The following CEP43 variants were observed in gnomAD, a reference collection of about 807,000 sequenced individuals.
The protein encoded by CEP43 is FGFR1 oncogene partner.
A neutral mutation model predicts 52.6 loss-of-function variants in CEP43; 36 were observed. The observed-to-expected ratio is 0.68, with a 90% CI of 0.52 to 0.90. The LOEUF (loss-of-function observed/expected upper bound fraction) is 0.90. CEP43 is among the 40% of genes least tolerant of loss of function. CEP43 has a pLI of 0.00. For synonymous variants in CEP43, 192 were observed against 172.4 expected, an observed-to-expected ratio of 1.11 and a Z score of -0.89; for missense variants, 506 against 472.8, an observed-to-expected ratio of 1.07 and a Z score of -0.65.
In CEP43 at chr6:167,048,401, A is replaced by T. The variant is rs1273381900; in HGVS notation, c.*8423A>T. On this transcript the variant is annotated 3_prime_UTR_variant, in exon 13 of 13. Transcript: ENST00000366847. ...AAAGATTAGCTAGGCATGATGGCACATGCCTGTGGTCCCAGCTACTCGGGA... is the reference window on the plus strand; with the variant it reads ...AAAGATTAGCTAGGCATGATGGCACTTGCCTGTGGTCCCAGCTACTCGGGA... 1 of 152,190 alleles carries T rather than the reference A, an allele frequency of 6.6e-6. No homozygotes were observed. Among genetic ancestry groups the T allele is most frequent in the African/African-American group, 2.4e-5 (1 of 41,438 alleles). The allele number at this position is 152,190 out of a possible 1,614,324, so 9.4% of individuals were successfully genotyped here.
intron 5 of CEP43, among the ~76,000 whole-genome samples, chr6:167,007,520 T>C (rs779077355): frequency 3.3e-5 from 5 of 152,236 alleles, no homozygotes; most frequent in Non-Finnish European, 5.9e-5. Flanking sequence ...TGCATATGTA[T>C]ATAAACAAAT....
intron 6 of CEP43, among the ~76,000 whole-genome samples, 159 bp downstream of exon 6, chr6:167,011,052 T>TA (rs1167050917): frequency 4.0e-5 from 6 of 151,370 alleles, no homozygotes; most frequent in African/African-American, 9.7e-5. Flanking sequence ...AAGTATACAT[T>TA]AAAAAAAAAG....
rs1001704340 is a variant in CEP43, at chr6:167,046,802, G to T, written c.*6824G>T. 1 of 152,264 alleles carries T rather than the reference G, an allele frequency of 6.6e-6. No homozygotes were observed. Among genetic ancestry groups the T allele is most frequent in the Non-Finnish European group, 1.5e-5 (1 of 68,080 alleles). 9.4% of individuals were successfully genotyped at this position (152,264 alleles called of 1,614,324 possible). On this transcript the variant is annotated 3_prime_UTR_variant, in exon 13 of 13. Transcript: ENST00000366847. ...ATTCTGCCTCAGGGTAAGAGGCCCG[G>T]CCCTCTCAGCCTGAGTCCATTCTGG...
At chr6:167,022,783 TGTA>T (rs768945854) in intron 8 of CEP43, 148 bp downstream of exon 8, 238 of 638,256 alleles carry the variant, frequency 3.7e-4, no homozygotes, top group Non-Finnish European at 5.6e-4. Flanking sequence ...CCTTTCATGT[TGTA>T]AAACAATCCC....
intron 7 of CEP43, among the ~76,000 whole-genome samples, chr6:167,017,777 A>T (rs903077596): frequency 6.6e-6 from 1 of 152,184 alleles, no homozygotes; most frequent in Non-Finnish European, 1.5e-5. Flanking sequence ...TTATGGCTGC[A>T]CTATAATTTC....
At chr6:167,033,621 GTTTC>G (rs1436127894) in intron 11 of CEP43, among the ~76,000 whole-genome samples, 1 of 151,970 alleles carries the variant, frequency 6.6e-6, no homozygotes. Flanking sequence ...ATCTGGGTTT[GTTTC>G]TTTCTTGCTA....
intron 7 of CEP43, among the ~76,000 whole-genome samples, chr6:167,022,089 T>C (rs1019445874): frequency 1.1e-4 from 17 of 152,138 alleles, no homozygotes; most frequent in South Asian, 8.3e-4. Context: ...TGTTTATAAA[T>C]GGGATAGGTA....
intron 9 of CEP43, among the ~76,000 whole-genome samples, chr6:167,026,340 G>A (rs1402313263): frequency 6.6e-6 from 1 of 152,050 alleles, no homozygotes; most frequent in African/African-American, 2.4e-5. Flanking sequence ...TCCAGCCTGA[G>A]TGACAGTGAT....
At chr6:167,006,695 C>T (rs932854318) in intron 5 of CEP43, among the ~76,000 whole-genome samples, 1 of 152,056 alleles carries the variant, frequency 6.6e-6, no homozygotes, top group African/African-American at 2.4e-5. Flanking sequence ...TTTTGGTGTC[C>T]ACAGGAGAGT....
chr6:167,033,155 C>A (rs191617264), intron 11 of CEP43, among the ~76,000 whole-genome samples: 2 of 137,922 alleles, frequency 1.5e-5, no homozygotes, highest in African/African-American at 5.5e-5. Flanking sequence ...CTGTTGCCCA[C>A]GCTGGAGTGC....
Position 167,013,572 on chromosome 6 carries a change from C to T in CEP43, c.579+5C>T. ...GGGCAGAAGGCTGGTGACAAGGTAA[C>T]ATGCATGAGGGCAGAGGAGAAAAGC... On this transcript the variant is annotated splice_donor_5th_base_variant and intron_variant, in intron 7 of 12. Transcript: ENST00000366847. 6.2e-7 allele frequency: 1 copy of T among 1,613,288 alleles called. No individual in the cohort carries two copies.
At chr6:166,999,893 G>A in intron 1 of CEP43, 167 bp from the exon 2 acceptor site, 1 of 587,000 alleles carries the variant, frequency 1.7e-6, no homozygotes, top group African/African-American at 1.9e-5. Flanking sequence ...CCGAAGCCTG[G>A]GGGTCGGAGA....
chr6:167,015,693 A>G (rs993532681), intron 7 of CEP43, among the ~76,000 whole-genome samples: 12 of 152,332 alleles, frequency 7.9e-5, no homozygotes, highest in Admixed American at 7.8e-4. Flanking sequence ...AGGAGGCGAC[A>G]AGTACTAGTG....
intron 1 of CEP43, chr6:166,999,716 C>CCCCATCCCCTGGCCCCAGTCCGT: frequency 2.1e-6 from 1 of 484,482 alleles, no homozygotes; most frequent in Non-Finnish European, 3.6e-6. Flanking sequence ...TCCCGGAGGG[C>CCCCATCCCCTGGCCCCAGTCCGT]ACCGCGGACT....
chr6:167,035,916 G>A (rs1780575902), intron 12 of CEP43, among the ~76,000 whole-genome samples: 1 of 152,202 alleles, frequency 6.6e-6, no homozygotes, highest in Admixed American at 6.5e-5. Context: ...TTGCAAGAGA[G>A]ATGGTGGTAG....
At chr6:167,027,702 C>T (rs1487267281) in intron 10 of CEP43, among the ~76,000 whole-genome samples, 2 of 152,160 alleles carry the variant, frequency 1.3e-5, no homozygotes, top group Non-Finnish European at 2.9e-5. Flanking sequence ...AACTAAACTG[C>T]TATTTCCTCA....
At chr6:167,006,054 GC>G (rs1037805169) in intron 5 of CEP43, among the ~76,000 whole-genome samples, 1 of 152,126 alleles carries the variant, frequency 6.6e-6, no homozygotes, top group Non-Finnish European at 1.5e-5. Context: ...GCCTCCGTGT[GC>G]CCAGGTTCCT....
chr6:167,002,629 T>C (rs927722668), intron 2 of CEP43, among the ~76,000 whole-genome samples: 5 of 152,218 alleles, frequency 3.3e-5, no homozygotes, highest in African/African-American at 1.2e-4. Flanking sequence ...ATTAATGTGG[T>C]CTTAAGGAAG....
chr6:167,024,958 GATT>G (rs2128664949), intron 9 of CEP43, 64 bp downstream of exon 9: 1 of 851,436 alleles, frequency 1.2e-6, no homozygotes, highest in Non-Finnish European at 1.9e-6. Flanking sequence ...AATACTATGT[GATT>G]ATTGTTGATT....
Sources: allele counts gnomAD v4.1 joint callset (sites outside exome capture counted in the v4.1 genomes callset), GRCh38; gene constraint gnomAD v4.1.1; transcripts MANE v1.5; gene names NCBI Gene and HGNC (gene_info 2026-07-23, HGNC 2026-07-21).